The following RTKN2 variants were observed in gnomAD, a reference collection of about 807,000 sequenced individuals.
The protein encoded by RTKN2 is rhotekin-2.
RTKN2 carries 69 observed loss-of-function variants against 71.5 expected under a neutral mutation model. The observed-to-expected ratio is 0.96, with a 90% confidence interval of 0.79 to 1.18. RTKN2 has a LOEUF of 1.18. Among genes scored for constraint, RTKN2 ranks in the 50% most tolerant of loss-of-function variants. RTKN2 has a pLI of 0.00. For synonymous variants in RTKN2, 236 were observed against 236.5 expected, an observed-to-expected ratio of 1.00 and a Z score of 0.02; for missense variants, 724 against 719.7, an observed-to-expected ratio of 1.01 and a Z score of -0.07.
chr10:62,233,490 G>C lies in RTKN2; in HGVS notation c.686+2576C>G, dbSNP rs372363172. 9.1e-4 allele frequency among the ~76,000 whole-genome samples: 139 copies of C among 152,128 alleles called. 2 individuals carry two copies. The South Asian group carries it at 0.028, about 31-fold the overall frequency. On this transcript the variant is annotated intron_variant, in intron 6 of 11. Transcript: ENST00000373789. ...TTTTAAATGACATTTACATTGGAAA[G>C]ACATCTTCTATGACTGTTTTTCAGA...
At chr10:62,199,910 G>T (rs1589332324) in intron 10 of RTKN2, 49 bp from the exon 11 acceptor site, 1 of 1,176,914 alleles carries the variant, frequency 8.5e-7, no homozygotes, top group Non-Finnish European at 1.2e-6. Context: ...TAAATGTGAA[G>T]ATATATATTT....
Position 62,241,257 on chromosome 10 carries a change from G to A in RTKN2, c.317-62C>T, listed in dbSNP as rs1381730457. On this transcript the variant is annotated intron_variant, in intron 3 of 11. Transcript: ENST00000373789. ...TTTGGTAAGTTTTATTCTTTACAGT[G>A]ACCTGAACCTCTGCATTCCATAATA... 10 of 920,974 alleles carry A rather than the reference G, an allele frequency of 1.1e-5. No individual in the cohort carries two copies. In the African/African-American group the frequency reaches 1.5e-4, roughly 14 times the overall value. 57.1% of individuals were successfully genotyped at this position (920,974 alleles called of 1,614,324 possible).
chr10:62,195,964 T>C lies in RTKN2; in HGVS notation c.*1944A>G, dbSNP rs762058918. ...CTTATACACCTTAAGTCCTTCCTGCTGTTATCTGCATGAGGAAAAATGACA... is the reference window on the plus strand; with the variant it reads ...CTTATACACCTTAAGTCCTTCCTGCCGTTATCTGCATGAGGAAAAATGACA... On this transcript the variant is annotated 3_prime_UTR_variant, in exon 12 of 12. Transcript: ENST00000373789. The C allele has an allele frequency of 1.3e-4, 131 of 985,044 alleles. 1 individual carries two copies. The highest frequency in any genetic ancestry group is 1.5e-4 in the Non-Finnish European group (122 of 829,740). The allele number at this position is 985,044 out of a possible 1,614,324, so 61.0% of individuals were successfully genotyped here. A position where few individuals can be genotyped will look rare whatever the true frequency, so the allele number is the denominator to read the frequency against.
chr10:62,205,731 C>T (rs976131517), intron 9 of RTKN2, among the ~76,000 whole-genome samples: 4 of 152,112 alleles, frequency 2.6e-5, no homozygotes, highest in African/African-American at 7.2e-5. Context: ...TACTAGAATG[C>T]TATTATGATG....
In RTKN2 at chr10:62,223,232, A is replaced by T. The variant is rs1841947293; in HGVS notation, c.781+6T>A. The T allele has an allele frequency of 1.3e-6, 2 of 1,509,140 alleles. No homozygotes were observed. The highest frequency in any genetic ancestry group is 1.7e-5 in the Admixed American group (1 of 59,802). The allele number at this position is 1,509,140 out of a possible 1,614,324, so 93.5% of individuals were successfully genotyped here. On this transcript the variant is annotated splice_donor_region_variant and intron_variant, in intron 7 of 11. Coordinates refer to ENST00000373789, the MANE Select transcript of RTKN2 (RefSeq NM_145307.4). The stretch of plus-strand genomic sequence containing the variant: ...ATGTAATAAGTAAAATATATACTGT[A>T]CTTACCATTTCCATTAATAGACAGA...
intron 10 of RTKN2, among the ~76,000 whole-genome samples, chr10:62,204,135 C>A (rs1299688292): frequency 6.6e-6 from 1 of 152,108 alleles, no homozygotes; most frequent in Non-Finnish European, 1.5e-5. Context: ...TATCAGTAGG[C>A]TTTGTTTGAT....
intron 8 of RTKN2, among the ~76,000 whole-genome samples, chr10:62,184,735 T>C (rs930733100): frequency 1.3e-5 from 2 of 152,208 alleles, no homozygotes; most frequent in Non-Finnish European, 2.9e-5. Flanking sequence ...GTTATGAAAT[T>C]ATATTTTCTC....
intron 7 of RTKN2, among the ~76,000 whole-genome samples, chr10:62,220,996 T>C (rs927918563): frequency 1.3e-5 from 2 of 151,840 alleles, no homozygotes; most frequent in Admixed American, 6.6e-5. Flanking sequence ...AAGTCTGATA[T>C]CAGCATAACT....
rs75330923 is a variant in RTKN2 at position 62,225,115 on chromosome 10, A to C, written c.687-1783T>G. Among the ~76,000 whole-genome samples the C allele has an allele frequency of 4.2e-3, 637 of 152,350 alleles. 8 individuals carry two copies. The highest frequency in any genetic ancestry group is 0.015 in the African/African-American group (611 of 41,584). ...GCCTCTAAGGACCTGAACAAACACTAGCATTGTTTCTAGCAGCTCTAACCT... is the reference window on the plus strand; with the variant it reads ...GCCTCTAAGGACCTGAACAAACACTCGCATTGTTTCTAGCAGCTCTAACCT... On this transcript the variant is annotated intron_variant, in intron 6 of 11. Coordinates refer to ENST00000373789, the MANE Select transcript of RTKN2 (RefSeq NM_145307.4).
At chr10:62,259,025 A>G (rs1364967115) in intron 2 of RTKN2, among the ~76,000 whole-genome samples, 2 of 152,154 alleles carry the variant, frequency 1.3e-5, no homozygotes, top group Non-Finnish European at 2.9e-5. Context: ...TGCAGCTCCC[A>G]TAATCCCCAT....
chr10:62,219,391 T>C (rs1841855725), intron 7 of RTKN2, among the ~76,000 whole-genome samples: 2 of 152,030 alleles, frequency 1.3e-5, no homozygotes, highest in Non-Finnish European at 2.9e-5. Context: ...TGAAGGACAA[T>C]TAAAAAGCAT....
chr10:62,223,486 G>A (rs1345827393), intron 6 of RTKN2, among the ~76,000 whole-genome samples, 154 bp from the exon 7 acceptor site: 6 of 152,130 alleles, frequency 3.9e-5, no homozygotes, highest in Non-Finnish European at 8.8e-5. Context: ...ACAAGATCCA[G>A]CATTACATTC....
chr10:62,262,604 C>A, intron 2 of RTKN2, 21 bp downstream of exon 2: 1 of 1,511,092 alleles, frequency 6.6e-7, no homozygotes, highest in Non-Finnish European at 9.1e-7. Flanking sequence ...TTAAAAGCCA[C>A]AGGTAAACTA....
In RTKN2 at chr10:62,204,919, A is replaced by T; in HGVS notation, c.1124T>A (p.Val375Asp). 1 of 1,602,162 alleles carries T rather than the reference A, an allele frequency of 6.2e-7. No individual in the cohort carries two copies. Residue 375 changes from valine to aspartate, a missense_variant, in exon 10 of 12, where the codon GTT (valine) becomes GAT (aspartate). Val to Asp is a radical substitution (Grantham distance 152, BLOSUM62 -3). Coordinates refer to ENST00000373789, the MANE Select transcript of RTKN2 (RefSeq NM_145307.4). Reference protein sequence around the residue: ...PGQAITQIFAVDNREDLQKWM... With the variant: ...PGQAITQIFADDNREDLQKWM... ...CTTCTGAAGATCTTCTCTATTGTCA[A>T]CTGCAAAAATCTGAGTTATAGCTTG...
intron 2 of RTKN2, among the ~76,000 whole-genome samples, chr10:62,258,702 G>T (rs1239783383): frequency 1.3e-5 from 2 of 151,914 alleles, no homozygotes; most frequent in African/African-American, 4.8e-5. Context: ...ATAATTAAGA[G>T]AAACAATGTT....
chr10:62,203,778 C>A (rs570943396), intron 10 of RTKN2, among the ~76,000 whole-genome samples: 1 of 152,264 alleles, frequency 6.6e-6, no homozygotes, highest in African/African-American at 2.4e-5. Context: ...TGGAGGGAAC[C>A]CTCTAGTTCG....
intron 9 of RTKN2, among the ~76,000 whole-genome samples, chr10:62,209,137 G>A (rs568686113): frequency 9.9e-5 from 15 of 151,974 alleles, no homozygotes; most frequent in Admixed American, 5.2e-4. Context: ...GCGTGGTGGC[G>A]CATGCCTGTA....
downstream of RTKN2, among the ~76,000 whole-genome samples, chr10:62,191,338 T>C (rs556009210): frequency 1.7e-4 from 26 of 152,094 alleles, no homozygotes; most frequent in Non-Finnish European, 2.6e-4. Flanking sequence ...AGAGACAAGG[T>C]TTCACTACAT....
chr10:62,258,195 T>C (rs868485163), intron 2 of RTKN2, among the ~76,000 whole-genome samples: 1 of 152,304 alleles, frequency 6.6e-6, no homozygotes, highest in South Asian at 2.1e-4. Context: ...CCAAGGGTGG[T>C]ACAAAAGTAG....
Sources: allele counts gnomAD v4.1 joint callset (sites outside exome capture counted in the v4.1 genomes callset), GRCh38; gene constraint gnomAD v4.1.1; transcripts MANE v1.5; gene names NCBI Gene and HGNC (gene_info 2026-07-23, HGNC 2026-07-21).